Variants in RAVER2 observed in about 807,000 individuals in gnomAD.
RAVER2 encodes the protein ribonucleoprotein PTB-binding 2.
A neutral mutation model predicts 78.1 loss-of-function variants in RAVER2; 46 were observed. The ratio of observed to expected loss-of-function variants is 0.59; its 90% CI spans 0.46 to 0.75. The LOEUF is 0.75. Among genes scored for constraint, RAVER2 ranks in the 30% least tolerant of loss-of-function variants. The pLI is 0.00. For missense variants in RAVER2, 793 were observed against 837.5 expected, an observed-to-expected ratio of 0.95 and a Z score of 0.66; for synonymous variants, 311 against 313.3, an observed-to-expected ratio of 0.99 and a Z score of 0.08.
chr1:64,754,457 T>C (rs1485691180), intron 1 of RAVER2, among the ~76,000 whole-genome samples: 1 of 152,192 alleles, frequency 6.6e-6, no homozygotes, highest in African/African-American at 2.4e-5. Context: ...TAAAATGCTA[T>C]ATTTCCATTG....
At chr1:64,790,963 T>C (rs1652923037) in intron 5 of RAVER2, among the ~76,000 whole-genome samples, 6 of 152,184 alleles carry the variant, frequency 3.9e-5, no homozygotes. Flanking sequence ...CGGGGGATTC[T>C]CCAGGCCATG....
At chr1:64,828,377 T>C (rs1489816658) in intron 11 of RAVER2, among the ~76,000 whole-genome samples, 1 of 152,106 alleles carries the variant, frequency 6.6e-6, no homozygotes, top group Non-Finnish European at 1.5e-5. Context: ...AGACCACTTA[T>C]GAAGGAATGG....
intron 4 of RAVER2, among the ~76,000 whole-genome samples, chr1:64,782,447 G>A (rs970424706): frequency 3.3e-5 from 5 of 152,204 alleles, no homozygotes; most frequent in Non-Finnish European, 7.3e-5. Context: ...AAGACTTTAT[G>A]CTGAAGGTGA....
At chr1:64,812,963 G>A in intron 10 of RAVER2, 114 bp downstream of exon 10, 9 of 581,298 alleles carry the variant, frequency 1.5e-5, no homozygotes, top group South Asian at 7.8e-5. Context: ...ACCAAATTAA[G>A]GCCTAAATTA....
At chr1:64,802,831 C>T (rs1276863909) in intron 5 of RAVER2, 145 bp from the exon 6 acceptor site, 2 of 474,750 alleles carry the variant, frequency 4.2e-6, no homozygotes, top group Non-Finnish European at 7.5e-6. Flanking sequence ...CACTTTTGAC[C>T]AATGACAAGG....
chr1:64,756,860 G>A (rs1486898450), intron 1 of RAVER2, among the ~76,000 whole-genome samples: 1 of 152,116 alleles, frequency 6.6e-6, no homozygotes, highest in Admixed American at 6.6e-5. Flanking sequence ...CTTTTAGAAT[G>A]TCTCTTAATT....
At chr1:64,803,004 A>T (rs775145257) in exon 6 of RAVER2, 1 of 1,610,194 alleles carries the variant, frequency 6.2e-7, no homozygotes, top group East Asian at 2.2e-5. Flanking sequence ...ACAGCTTGCC[A>T]CATCTGATGA....
intron 1 of RAVER2, among the ~76,000 whole-genome samples, chr1:64,755,656 C>G (rs1223564005): frequency 1.3e-5 from 2 of 151,198 alleles, no homozygotes; most frequent in African/African-American, 4.9e-5. Flanking sequence ...TATTCTATTA[C>G]CCTACCAGTT....
exon 3 of RAVER2, chr1:64,778,069 G>A (rs1183891196): frequency 1.9e-6 from 3 of 1,612,636 alleles, no homozygotes; most frequent in South Asian, 1.1e-5. Context: ...TTTTTCCAGT[G>A]TCCATAAACC....
chr1:64,801,296 A>G (rs971191017), intron 5 of RAVER2, among the ~76,000 whole-genome samples: 3 of 150,914 alleles, frequency 2.0e-5, no homozygotes, highest in African/African-American at 7.3e-5. Context: ...ATGGGGTTTC[A>G]CCATGTTGAC....
intron 10 of RAVER2, 151 bp downstream of exon 10, chr1:64,813,000 A>G: frequency 1.9e-6 from 1 of 523,806 alleles, no homozygotes; most frequent in East Asian, 3.3e-5. Context: ...AATAATTAAA[A>G]CTAAGACACT....
chr1:64,782,406 A>T (rs1255160655), intron 4 of RAVER2, among the ~76,000 whole-genome samples: 1 of 152,192 alleles, frequency 6.6e-6, no homozygotes, highest in Non-Finnish European at 1.5e-5. Context: ...TGTTAATTGA[A>T]TGAAGGAATA....
chr1:64,815,900 A>C (rs1019214148), intron 11 of RAVER2: 3 of 152,168 alleles, frequency 2.0e-5, no homozygotes, highest in African/African-American at 7.2e-5. Context: ...AGTGATCACA[A>C]ATTGCTGCAG....
At chr1:64,777,978 T>G (rs1348546289) in exon 3 of RAVER2, 2 of 1,614,120 alleles carry the variant, frequency 1.2e-6, no homozygotes, top group Admixed American at 3.3e-5. Flanking sequence ...ATCTATTGGC[T>G]TCAGAGCTCA....
Position 64,781,534 on chromosome 1 carries a change from G to A in RAVER2, c.941G>A (p.Arg314Gln), listed in dbSNP as rs752817197. The A allele has an allele frequency of 3.5e-5, 56 of 1,613,954 alleles. No homozygotes were observed. In the East Asian group the frequency reaches 5.8e-4, roughly 17 times the overall value. ...TTCTGTGCTCCTGGAGCGCCAGGGC[G>A]AAGTACATTAGCAGCATTGATAGCG... Residue 314 changes from arginine (R) to glutamine (Q), a missense_variant, in exon 4 of 12, where the codon CGA (arginine) becomes CAA (glutamine). Coordinates refer to ENST00000294428, the Ensembl canonical transcript of RAVER2.
At chr1:64,823,801 G>GTTT (rs1162036710) in intron 11 of RAVER2, among the ~76,000 whole-genome samples, 1 of 137,830 alleles carries the variant, frequency 7.3e-6, no homozygotes, top group African/African-American at 2.8e-5. Context: ...TGTAAGTTGT[G>GTTT]ATTTTTTTTT....
intron 5 of RAVER2, among the ~76,000 whole-genome samples, chr1:64,801,820 A>T (rs1183679732): frequency 6.6e-6 from 1 of 152,134 alleles, no homozygotes; most frequent in Non-Finnish European, 1.5e-5. Flanking sequence ...GTGAGCTGAG[A>T]TCGTGCCATT....
intron 6 of RAVER2, among the ~76,000 whole-genome samples, chr1:64,803,464 A>G (rs1218970486): frequency 6.6e-6 from 1 of 152,178 alleles, no homozygotes; most frequent in Non-Finnish European, 1.5e-5. Context: ...ACTCATGTAT[A>G]TGAGAATAGA....
At chr1:64,759,149 AGTAAGTATATTTTCAGGT>A (rs1169565245) in intron 1 of RAVER2, among the ~76,000 whole-genome samples, 17 of 151,704 alleles carry the variant, frequency 1.1e-4, no homozygotes, top group Admixed American at 7.9e-4. Context: ...GTTAGTGTAC[AGTAAGTATATTTTCAGGT>A]GTAAGTATAT....
Sources: allele counts gnomAD v4.1 joint callset (sites outside exome capture counted in the v4.1 genomes callset), GRCh38; gene constraint gnomAD v4.1.1; transcripts MANE v1.5; gene names NCBI Gene and HGNC (gene_info 2026-07-23, HGNC 2026-07-21).